Variants in REEP1 observed in about 807,000 individuals in gnomAD.
REEP1 encodes the protein receptor accessory protein 1.
Under a neutral mutation model 40.3 loss-of-function variants are expected in REEP1, and 22 were observed. The ratio of observed to expected loss-of-function variants is 0.55; its 90% CI spans 0.39 to 0.78. The LOEUF is 0.78. Among genes scored for constraint, REEP1 ranks in the 30% least tolerant of loss-of-function variants. The probability of loss-of-function intolerance (pLI) is 0.00; values close to 1 mark genes in which losing one functional copy is unlikely to be tolerated. For synonymous variants in REEP1, 116 were observed against 139.2 expected, an observed-to-expected ratio of 0.83 and a Z score of 1.17; for missense variants, 280 against 361.1, an observed-to-expected ratio of 0.78 and a Z score of 1.82.
At chr2:86,230,804 G>T (rs961893901) in intron 6 of REEP1, among the ~76,000 whole-genome samples, 1 of 152,286 alleles carries the variant, frequency 6.6e-6, no homozygotes, top group Middle Eastern at 3.4e-3. Context: ...TAGCTCGCCC[G>T]GGTCATGCGG....
chr2:86,314,966 T>C (rs1311073477), intron 1 of REEP1, among the ~76,000 whole-genome samples: 1 of 151,990 alleles, frequency 6.6e-6, no homozygotes, highest in African/African-American at 2.4e-5. Flanking sequence ...GTGCTAGGAT[T>C]ATAGGCATGA....
intron 2 of REEP1, chr2:86,279,872 A>G (rs1574074423): frequency 2.3e-6 from 1 of 436,006 alleles, no homozygotes; most frequent in African/African-American, 2.0e-5. Flanking sequence ...TCAGAATTAT[A>G]AAATAGTACA....
chr2:86,276,006 T>C (rs1212532355), intron 2 of REEP1, among the ~76,000 whole-genome samples: 1 of 152,216 alleles, frequency 6.6e-6, no homozygotes, highest in Non-Finnish European at 1.5e-5. Context: ...AGGAGGCTCC[T>C]AGTGACCAAG....
intron 2 of REEP1, among the ~76,000 whole-genome samples, chr2:86,275,233 C>T (rs187946598): frequency 1.2e-4 from 18 of 150,444 alleles, no homozygotes; most frequent in Non-Finnish European, 2.6e-4. Flanking sequence ...CCTAGGAGAG[C>T]GGGAAAGTGA....
upstream of REEP1, chr2:86,337,732 G>C: frequency 1.1e-6 from 1 of 902,532 alleles, no homozygotes; most frequent in South Asian, 5.1e-5. This position sits in a 1 kb window ranked among gnomAD's most constrained non-coding sequence, Gnocchi z 5.8. Flanking sequence ...CGGGCCCGCA[G>C]CGATTGGGCG....
At chr2:86,297,043 G>A (rs967739983) in intron 1 of REEP1, among the ~76,000 whole-genome samples, 6 of 152,184 alleles carry the variant, frequency 3.9e-5, no homozygotes, top group African/African-American at 7.2e-5. Flanking sequence ...CGTTGTGCAC[G>A]TCAGGCATGC....
At chr2:86,293,826 TG>T (rs1487470400) in intron 1 of REEP1, among the ~76,000 whole-genome samples, 2 of 152,208 alleles carry the variant, frequency 1.3e-5, no homozygotes, top group East Asian at 3.8e-4. Context: ...AGAATGGTTA[TG>T]TCTCAAAAAG....
intron 4 of REEP1, among the ~76,000 whole-genome samples, 193 bp downstream of exon 4, chr2:86,254,501 C>A (rs546947155): frequency 2.0e-5 from 3 of 152,202 alleles, no homozygotes; most frequent in Admixed American, 6.5e-5. Flanking sequence ...CAAATAACAT[C>A]TTTTAGAGAA....
Position 86,216,846 on chromosome 2 carries a change from T to A in REEP1, c.*193A>T. On this transcript the variant is annotated 3_prime_UTR_variant, in exon 9 of 9. Transcript: ENST00000538924. ...GCCCCTACTACCTTTCCCTTTAGCCTCTCCCCAGCAAAATAAAGAAAAGGG... is the reference window on the plus strand; with the variant it reads ...GCCCCTACTACCTTTCCCTTTAGCCACTCCCCAGCAAAATAAAGAAAAGGG... 1.1e-4 allele frequency: 55 copies of A among 491,012 alleles called. No homozygotes were observed. Among genetic ancestry groups the A allele is most frequent in the Non-Finnish European group, 1.4e-4 (38 of 267,440 alleles). The allele number at this position is 491,012 out of a possible 1,614,324, so 30.4% of individuals were successfully genotyped here. A position where few individuals can be genotyped will look rare whatever the true frequency, so the allele number is the denominator to read the frequency against.
At chr2:86,326,924 T>C (rs1022636741) in intron 1 of REEP1, among the ~76,000 whole-genome samples, 4 of 152,280 alleles carry the variant, frequency 2.6e-5, no homozygotes, top group South Asian at 2.1e-4. Flanking sequence ...CTTACTCTCT[T>C]TCCCACATTA....
In REEP1 at chr2:86,337,321, C is replaced by T. The variant is rs1573080610; in HGVS notation, c.32+158G>A. The T allele has an allele frequency of 5.0e-6, 2 of 402,750 alleles. No homozygotes were observed. The highest frequency in any genetic ancestry group is 9.6e-5 in the East Asian group (2 of 20,730). 24.9% of individuals were successfully genotyped at this position (402,750 alleles called of 1,614,324 possible). On this transcript the variant is annotated intron_variant, in intron 1 of 8. Coordinates refer to ENST00000538924, the MANE Select transcript of REEP1 (RefSeq NM_001371279.1). The surrounding 1 kb of genome is among the most constrained non-coding windows in gnomAD (Gnocchi z 5.8). The stretch of plus-strand genomic sequence containing the variant: ...CCGCGTCCTGCGCCGCCCGTCCGCC[C>T]GCAGGCGTCCTCGGCGGCTACTGTA...
intron 7 of REEP1, among the ~76,000 whole-genome samples, chr2:86,222,013 C>T (rs1046273360): frequency 3.3e-5 from 5 of 152,168 alleles, no homozygotes; most frequent in Non-Finnish European, 7.3e-5. Context: ...GCTGTACCCT[C>T]CACATCCAGG....
intron 4 of REEP1, among the ~76,000 whole-genome samples, chr2:86,253,715 T>C (rs1240169840): frequency 6.6e-6 from 1 of 152,172 alleles, no homozygotes; most frequent in Non-Finnish European, 1.5e-5. Context: ...CCTAAAGAGA[T>C]TTTCCGAAAC....
At chr2:86,249,195 G>T (rs370876583) in intron 5 of REEP1, among the ~76,000 whole-genome samples, 2 of 152,202 alleles carry the variant, frequency 1.3e-5, no homozygotes, top group African/African-American at 4.8e-5. Context: ...GGGAGGCAGA[G>T]GTTGCAGTGA....
Position 86,227,346 on chromosome 2 carries a change from G to C in REEP1, c.631+17C>G. The stretch of plus-strand genomic sequence containing the variant: ...TGAGAGTCCAGCACGCTGCGGAGAG[G>C]CTGGCTGCTTACTCACCTTTCCAGG... On this transcript the variant is annotated intron_variant, in intron 7 of 8. Coordinates refer to ENST00000538924, the MANE Select transcript of REEP1 (RefSeq NM_001371279.1). 1 of 1,232,276 alleles carries C rather than the reference G, an allele frequency of 8.1e-7. No homozygotes were observed. Among genetic ancestry groups the C allele is most frequent in the Non-Finnish European group, 1.0e-6 (1 of 988,082 alleles). The allele number at this position is 1,232,276 out of a possible 1,614,324, so 76.3% of individuals were successfully genotyped here.
intron 1 of REEP1, among the ~76,000 whole-genome samples, chr2:86,322,361 G>A (rs1057085356): frequency 6.6e-6 from 1 of 152,076 alleles, no homozygotes; most frequent in Non-Finnish European, 1.5e-5. Context: ...CTGGGCAAAA[G>A]AGATAGAACC....
chr2:86,281,563 G>A lies in REEP1; in HGVS notation c.105+607C>T, dbSNP rs143801522. Among the ~76,000 whole-genome samples, 299 of 152,300 alleles carry A rather than the reference G, an allele frequency of 2.0e-3. 4 individuals are homozygous for A. The highest frequency in any genetic ancestry group is 6.9e-3 in the African/African-American group (288 of 41,558). ...GAATCTCTTGAACCCGGGAGGCGGA[G>A]GTTGCAGTGAGCCGAGGTTGTGCCA... On this transcript the variant is annotated intron_variant, in intron 2 of 8. Coordinates refer to ENST00000538924, the MANE Select transcript of REEP1 (RefSeq NM_001371279.1).
chr2:86,271,362 T>A (rs1677439123), intron 2 of REEP1, among the ~76,000 whole-genome samples: 2 of 149,078 alleles, frequency 1.3e-5, no homozygotes, highest in South Asian at 4.3e-4. Context: ...AGAAAAATCA[T>A]TACCATACAG....
intron 1 of REEP1, among the ~76,000 whole-genome samples, chr2:86,329,820 G>A (rs1410270775): frequency 6.6e-6 from 1 of 152,204 alleles, no homozygotes; most frequent in Non-Finnish European, 1.5e-5. Flanking sequence ...TACTGCATAT[G>A]AGAAACTATA....
Sources: allele counts gnomAD v4.1 joint callset (sites outside exome capture counted in the v4.1 genomes callset), GRCh38; gene constraint gnomAD v4.1.1; non-coding constraint Gnocchi (gnomAD v3.1); transcripts MANE v1.5; gene names NCBI Gene and HGNC (gene_info 2026-07-23, HGNC 2026-07-21).